Variants in HOMER2 observed in about 807,000 individuals in gnomAD.
HOMER2 encodes the protein homer protein homolog 2.
Under a neutral mutation model 47.0 loss-of-function variants are expected in HOMER2, and 27 were observed. The ratio of observed to expected loss-of-function variants is 0.57; its 90% CI spans 0.42 to 0.79. The LOEUF (loss-of-function observed/expected upper bound fraction) is 0.79. Ranked by LOEUF, HOMER2 falls within the 30% of genes least tolerant of loss-of-function variation. The probability of loss-of-function intolerance (pLI) is 0.00; values close to 1 mark genes in which losing one functional copy is unlikely to be tolerated. For missense variants in HOMER2, 443 were observed against 435.0 expected (o/e 1.02, Z -0.16); for synonymous variants, 161 against 163.8 (o/e 0.98, Z 0.13).
intron 5 of HOMER2, 127 bp downstream of exon 5, chr15:82,858,902 A>T (rs1409138392): frequency 1.8e-6 from 2 of 1,092,490 alleles, no homozygotes; most frequent in Non-Finnish European, 2.6e-6. Flanking sequence ...CCAGGAGACA[A>T]GAGTGGATGC....
chr15:82,864,173 A>G lies in HOMER2; in HGVS notation c.381T>C (p.His127=). 12 of 1,606,578 alleles carry G rather than the reference A, an allele frequency of 7.5e-6. No homozygotes were observed. Among genetic ancestry groups the G allele is most frequent in the Non-Finnish European group, 1.0e-5 (12 of 1,174,678 alleles). Residue 127 remains histidine (H), a synonymous_variant, in exon 4 of 9, where the codon CAT becomes CAC. Transcript: ENST00000450735. ...TCATAGACTAATGTCTTACTTGGGAATGATTACTTGAGGTCTCGATTTTCT... is the reference window on the plus strand; with the variant it reads ...TCATAGACTAATGTCTTACTTGGGAGTGATTACTTGAGGTCTCGATTTTCT... ...TQEKIETSSN[H]SQASSVNGTD... is the part of the protein sequence containing the mutation.
chr15:82,915,304 AT>A (rs1253447539), intron 1 of HOMER2, among the ~76,000 whole-genome samples: 1 of 152,136 alleles, frequency 6.6e-6, no homozygotes, highest in African/African-American at 2.4e-5. Flanking sequence ...TTTTGCCATA[AT>A]TTTTTTAGAA....
intron 1 of HOMER2, among the ~76,000 whole-genome samples, chr15:82,928,813 T>G (rs1161873414): frequency 6.6e-6 from 1 of 151,660 alleles, no homozygotes; most frequent in African/African-American, 2.4e-5. Flanking sequence ...TGCTGTTTGA[T>G]TTGAGAAACC....
intron 1 of HOMER2, among the ~76,000 whole-genome samples, chr15:82,894,656 G>T (rs1462229684): frequency 7.9e-6 from 1 of 127,236 alleles, no homozygotes; most frequent in Non-Finnish European, 1.6e-5. Flanking sequence ...GGGCGACAGA[G>T]CAAGACTCCA....
upstream of HOMER2, chr15:82,952,724 CGGGCGGGGGCT>C: frequency 1.0e-6 from 1 of 980,906 alleles, no homozygotes; most frequent in Non-Finnish European, 1.2e-6. Flanking sequence ...CAGGCGCGGG[CGGGCGGGGGCT>C]GGGCGGCCGC....
intron 3 of HOMER2, among the ~76,000 whole-genome samples, chr15:82,874,288 A>G (rs1256450): frequency 0.51 from 77,569 of 152,056 alleles, 20,273 homozygotes; most frequent in East Asian, 0.62. Context: ...CTGGGTTTGC[A>G]GCTCTCTCCT....
At chr15:82,934,494 C>T (rs2054095021) in intron 1 of HOMER2, among the ~76,000 whole-genome samples, 1 of 152,130 alleles carries the variant, frequency 6.6e-6, no homozygotes, top group African/African-American at 2.4e-5. Flanking sequence ...CCCACACCAC[C>T]CATCCTCCCA....
intron 1 of HOMER2, among the ~76,000 whole-genome samples, chr15:82,902,193 A>G (rs2053141792): frequency 7.3e-6 from 1 of 136,176 alleles, no homozygotes; most frequent in South Asian, 2.6e-4. Flanking sequence ...AAAACATCCA[A>G]GTGATTTTTT....
rs549537315 is a variant in HOMER2 at position 82,942,834 on chromosome 15, G to T, written c.5+9697C>A. ...CGACATTCCTCCACCCACACCACCT[G>T]AGAGGCTTAGCAATATGAGGCAACA... is the stretch of plus-strand genomic sequence containing the variant. On this transcript the variant is annotated intron_variant, in intron 1 of 8. Coordinates refer to ENST00000450735, the MANE Select transcript of HOMER2 (RefSeq NM_004839.4). 9.8e-4 allele frequency among the ~76,000 whole-genome samples: 149 copies of T among 152,282 alleles called. 1 individual carries two copies. Among genetic ancestry groups the T allele is most frequent in the African/African-American group, 3.5e-3 (146 of 41,550 alleles).
chr15:82,976,102 C>T (rs1008484465), intron 1 of HOMER2, among the ~76,000 whole-genome samples: 8 of 152,196 alleles, frequency 5.3e-5, no homozygotes, highest in African/African-American at 1.9e-4. Flanking sequence ...TCACTTCTGG[C>T]AATCCACATA....
At chr15:82,892,953 T>C (rs987757630) in intron 1 of HOMER2, 112 bp from the exon 2 acceptor site, 17 of 750,752 alleles carry the variant, frequency 2.3e-5, no homozygotes, top group Non-Finnish European at 3.1e-5. Context: ...TAGGGAAACA[T>C]ACATATGCAT....
intron 3 of HOMER2, among the ~76,000 whole-genome samples, chr15:82,868,917 T>C (rs1340509163): frequency 6.6e-6 from 1 of 152,062 alleles, no homozygotes; most frequent in Non-Finnish European, 1.5e-5. Flanking sequence ...AACTCTGGAC[T>C]AGACGGAAGA....
chr15:82,928,158 T>C (rs933442020), intron 1 of HOMER2, among the ~76,000 whole-genome samples: 1 of 152,164 alleles, frequency 6.6e-6, no homozygotes, highest in South Asian at 2.1e-4. Flanking sequence ...AGAAGTACAC[T>C]ACTGGGCTAA....
chr15:82,899,954 G>A (rs957481417), intron 1 of HOMER2, among the ~76,000 whole-genome samples: 3 of 151,854 alleles, frequency 2.0e-5, no homozygotes, highest in Non-Finnish European at 2.9e-5. Flanking sequence ...CCAGGGAGGC[G>A]GCGGTTGCAG....
chr15:82,882,457 A>G (rs2052552336), intron 2 of HOMER2, among the ~76,000 whole-genome samples: 1 of 152,254 alleles, frequency 6.6e-6, no homozygotes, highest in South Asian at 2.1e-4. Context: ...ATGGATCCAC[A>G]TAATCCCCTA....
chr15:82,856,524 C>CG (rs1394911763), intron 5 of HOMER2, among the ~76,000 whole-genome samples: 5 of 151,996 alleles, frequency 3.3e-5, no homozygotes, highest in East Asian at 1.9e-4. Flanking sequence ...GAGGCTGAGG[C>CG]GGGGGGATCA....
intron 1 of HOMER2, among the ~76,000 whole-genome samples, chr15:82,917,714 T>C (rs117517494): frequency 0.011 from 1,635 of 152,314 alleles, 8 homozygotes; most frequent in Non-Finnish European, 0.016. Context: ...GAGCTTGCTG[T>C]AAACACTTGG....
intron 1 of HOMER2, among the ~76,000 whole-genome samples, chr15:82,975,974 A>G (rs2030187537): frequency 6.6e-6 from 1 of 152,192 alleles, no homozygotes; most frequent in South Asian, 2.1e-4. Context: ...TGTCCCATAA[A>G]TATATACACC....
intron 1 of HOMER2, among the ~76,000 whole-genome samples, chr15:82,942,229 G>A (rs1474865237): frequency 3.3e-5 from 5 of 152,196 alleles, no homozygotes; most frequent in African/African-American, 7.2e-5. Context: ...ATCTCCCTCA[G>A]GAAGGCAGGG....
Sources: gnomAD v4.1 joint callset for allele counts (sites outside exome capture counted in the v4.1 genomes callset) on GRCh38, gnomAD v4.1.1 for gene constraint, MANE v1.5 for transcripts, NCBI Gene and HGNC (gene_info 2026-07-23, HGNC 2026-07-21) for gene names.